Variants in BACH2 observed in about 807,000 individuals in gnomAD.
BACH2 encodes the protein transcription regulator protein BACH2.
Under a neutral mutation model 61.8 loss-of-function variants are expected in BACH2, and 5 were observed. The observed-to-expected ratio is 0.08, with a 90% CI of 0.04 to 0.17. The LOEUF is 0.17. Ranked by LOEUF, BACH2 falls within the 10% of genes least tolerant of loss-of-function variation. The pLI, the probability that BACH2 is intolerant of heterozygous loss-of-function variation, is 1.00. For synonymous variants in BACH2, 446 were observed against 440.1 expected (o/e 1.01, Z -0.17); for missense variants, 824 against 1,091.1 (o/e 0.76, Z 3.45).
chr6:90,247,302 C>T (rs904350273), intron 3 of BACH2, among the ~76,000 whole-genome samples: 1 of 149,326 alleles, frequency 6.7e-6, no homozygotes, highest in Non-Finnish European at 1.5e-5. Context: ...CAGTGGTCAT[C>T]ATAGCTCATT....
chr6:89,956,740 C>A lies in BACH2; in HGVS notation c.244-4878G>T, dbSNP rs569667655. The stretch of plus-strand genomic sequence containing the variant: ...ACTATGATAGGGATGAGGCAGTCAG[C>A]CTTCAGGCATTTATTGAAAATAGGG... On this transcript the variant is annotated intron_variant, in intron 6 of 8. Transcript: ENST00000257749. Among the ~76,000 whole-genome samples the A allele has an allele frequency of 4.6e-5, 7 of 152,230 alleles. No homozygotes were observed. The East Asian group carries it at 1.4e-3, about 29-fold the overall frequency.
chr6:90,098,690 G>C (rs1251096394), intron 4 of BACH2, among the ~76,000 whole-genome samples: 3 of 152,190 alleles, frequency 2.0e-5, no homozygotes, highest in African/African-American at 7.2e-5. Context: ...AAAATCTCTT[G>C]TAAAAGAACT....
chr6:90,032,016 C>T (rs1037116085), intron 5 of BACH2, among the ~76,000 whole-genome samples: 1 of 152,112 alleles, frequency 6.6e-6, no homozygotes, highest in Admixed American at 6.5e-5. Flanking sequence ...ACATATAGAC[C>T]AATGGAACAG....
chr6:90,112,831 C>A (rs1014740484), intron 4 of BACH2, among the ~76,000 whole-genome samples: 5 of 152,092 alleles, frequency 3.3e-5, no homozygotes, highest in African/African-American at 1.2e-4. Context: ...AAAGCAAGAC[C>A]CAATGGTATG....
chr6:89,997,393 G>GTTCT (rs1323010741), intron 6 of BACH2, among the ~76,000 whole-genome samples: 2 of 152,154 alleles, frequency 1.3e-5, no homozygotes, highest in Non-Finnish European at 2.9e-5. Context: ...AAACTATGAA[G>GTTCT]TTCTTACCCT....
chr6:90,276,803 C>T (rs1771708524), intron 1 of BACH2, among the ~76,000 whole-genome samples: 1 of 152,064 alleles, frequency 6.6e-6, no homozygotes, highest in South Asian at 2.1e-4. Flanking sequence ...CCAATCACAC[C>T]TTAGTTTTCC....
intron 3 of BACH2, among the ~76,000 whole-genome samples, chr6:90,210,914 C>A (rs1212793370): frequency 1.3e-5 from 2 of 151,984 alleles, no homozygotes; most frequent in Non-Finnish European, 2.9e-5. Context: ...AATCCCAGCA[C>A]TTTGTGAGGC....
At chr6:90,022,265 A>G (rs1011322890) in intron 5 of BACH2, among the ~76,000 whole-genome samples, 1 of 152,236 alleles carries the variant, frequency 6.6e-6, no homozygotes, top group African/African-American at 2.4e-5. Flanking sequence ...TGTGGCAACT[A>G]CTAGCACTTT....
At chr6:90,049,138 C>T (rs931836035) in intron 5 of BACH2, among the ~76,000 whole-genome samples, 3 of 152,158 alleles carry the variant, frequency 2.0e-5, no homozygotes, top group Non-Finnish European at 1.5e-5. Context: ...CCAATCATTC[C>T]ATAAACTTTT....
intron 6 of BACH2, among the ~76,000 whole-genome samples, chr6:89,978,937 T>C (rs1327865717): frequency 6.6e-6 from 1 of 152,190 alleles, no homozygotes; most frequent in African/African-American, 2.4e-5. Flanking sequence ...GTTCTCCAAT[T>C]GTGAACTCCG....
intron 6 of BACH2, among the ~76,000 whole-genome samples, chr6:89,999,448 CTTTT>C (rs59177752): frequency 7.1e-6 from 1 of 141,766 alleles, no homozygotes; most frequent in East Asian, 2.0e-4. Flanking sequence ...TTTGTCACAC[CTTTT>C]TTTTTTTTTT....
At chr6:89,937,120 G>A (rs1773073068) in intron 8 of BACH2, among the ~76,000 whole-genome samples, 1 of 152,042 alleles carries the variant, frequency 6.6e-6, no homozygotes, top group Non-Finnish European at 1.5e-5. Flanking sequence ...TGGGAGACGG[G>A]AGTTTGTTTT....
intron 5 of BACH2, among the ~76,000 whole-genome samples, chr6:90,071,898 G>A (rs1781244755): frequency 6.6e-6 from 1 of 152,166 alleles, no homozygotes. Flanking sequence ...CTAAGTGAGA[G>A]TGGATCATCA....
intron 4 of BACH2, among the ~76,000 whole-genome samples, chr6:90,167,562 T>A (rs1275902193): frequency 6.6e-6 from 1 of 152,164 alleles, no homozygotes; most frequent in Non-Finnish European, 1.5e-5. Flanking sequence ...TTTACCATGT[T>A]GTCCAGGCTG....
chr6:90,078,211 A>AT (rs1781560159), intron 5 of BACH2, among the ~76,000 whole-genome samples: 2 of 152,112 alleles, frequency 1.3e-5, no homozygotes, highest in South Asian at 4.1e-4. Context: ...CACCTGAAAT[A>AT]TTTTTTTAGC....
At chr6:90,142,460 T>C (rs531145611) in intron 4 of BACH2, among the ~76,000 whole-genome samples, 1 of 152,360 alleles carries the variant, frequency 6.6e-6, no homozygotes, top group South Asian at 2.1e-4. Context: ...TTCTATCAAG[T>C]GACCTCTATA....
chr6:90,183,127 C>T (rs1354034003), intron 4 of BACH2, among the ~76,000 whole-genome samples: 1 of 152,138 alleles, frequency 6.6e-6, no homozygotes, highest in Non-Finnish European at 1.5e-5. Context: ...TGTGTGTGCA[C>T]GGAAGGCCTC....
intron 7 of BACH2, 59 bp from the exon 8 acceptor site, chr6:89,938,409 G>T: frequency 1.4e-6 from 2 of 1,465,962 alleles, no homozygotes; most frequent in Non-Finnish European, 1.9e-6. Context: ...CTGGCAGGCG[G>T]AACATCAAAA....
intron 6 of BACH2, among the ~76,000 whole-genome samples, chr6:89,993,255 G>C (rs143286838): frequency 1.8e-3 from 271 of 152,294 alleles, no homozygotes; most frequent in Non-Finnish European, 3.1e-3. Flanking sequence ...AAATGCTGTA[G>C]ATTCACATGA....
Sources: allele counts gnomAD v4.1 joint callset (sites outside exome capture counted in the v4.1 genomes callset), GRCh38; gene constraint gnomAD v4.1.1; transcripts MANE v1.5; gene names NCBI Gene and HGNC (gene_info 2026-07-23, HGNC 2026-07-21).